Variants in PRKN observed in about 807,000 individuals in gnomAD.
PRKN encodes the protein E3 ubiquitin-protein ligase parkin.
A neutral mutation model predicts 59.5 loss-of-function variants in PRKN; 56 were observed. That is an observed-to-expected ratio of 0.94 (90% confidence interval 0.76 to 1.18). PRKN has a LOEUF of 1.18. Among genes scored for constraint, PRKN ranks in the 50% most tolerant of loss-of-function variants. PRKN has a pLI of 0.00. For synonymous variants in PRKN, 250 were observed against 222.1 expected, an observed-to-expected ratio of 1.13 and a Z score of -1.12; for missense variants, 657 against 596.4, an observed-to-expected ratio of 1.10 and a Z score of -1.06.
intron 2 of PRKN, among the ~76,000 whole-genome samples, chr6:162,329,091 A>T (rs559810661): frequency 1.2e-4 from 18 of 152,208 alleles, no homozygotes; most frequent in Non-Finnish European, 1.5e-4. Flanking sequence ...CCAGTTTTTA[A>T]CTTCCTAAAT....
At chr6:162,696,569 TTTTTC>T (rs1443561270) in intron 1 of PRKN, among the ~76,000 whole-genome samples, 8 of 147,154 alleles carry the variant, frequency 5.4e-5, no homozygotes, top group Admixed American at 4.1e-4. Context: ...CTTTTTTTTT[TTTTTC>T]TTTTTTTTGA....
At chr6:162,306,702 A>G (rs1782243789) in intron 2 of PRKN, among the ~76,000 whole-genome samples, 1 of 152,198 alleles carries the variant, frequency 6.6e-6, no homozygotes, top group African/African-American at 2.4e-5. Context: ...GAGAATGAAG[A>G]AAATTATTAG....
chr6:162,486,213 T>C (rs1792532361), intron 1 of PRKN, among the ~76,000 whole-genome samples: 1 of 152,336 alleles, frequency 6.6e-6, no homozygotes, highest in African/African-American at 2.4e-5. Flanking sequence ...TTACTACTCA[T>C]ACATATGTAT....
chr6:161,966,436 A>G (rs901905987), intron 6 of PRKN, among the ~76,000 whole-genome samples: 3 of 152,234 alleles, frequency 2.0e-5, no homozygotes, highest in African/African-American at 7.2e-5. Flanking sequence ...GTGAGCCCCA[A>G]GACACACATG....
chr6:162,312,295 C>T (rs1005720816), intron 2 of PRKN, among the ~76,000 whole-genome samples: 1 of 152,028 alleles, frequency 6.6e-6, no homozygotes, highest in Non-Finnish European at 1.5e-5. Context: ...ACTTGCTGGC[C>T]TTTGTTTCCT....
chr6:162,040,572 A>ATTT (rs35272845), intron 5 of PRKN, among the ~76,000 whole-genome samples: 8 of 113,060 alleles, frequency 7.1e-5, no homozygotes, highest in East Asian at 2.6e-4. Flanking sequence ...ATGCCCGGCT[A>ATTT]TTTTTTTTTT....
At chr6:162,207,990 T>C (rs1254591591) in intron 3 of PRKN, among the ~76,000 whole-genome samples, 1 of 152,164 alleles carries the variant, frequency 6.6e-6, no homozygotes, top group Non-Finnish European at 1.5e-5. Flanking sequence ...ACCCTTTAAA[T>C]TGTTGGGATA....
chr6:161,549,536 T>C lies in PRKN; in HGVS notation c.934-533A>G, dbSNP rs1017526139. ...TATCAATGAGCTAGAAGAAGACTAA[T>C]GTTAAACAATCACATTTTCCCTTTA... On this transcript the variant is annotated intron_variant, in intron 8 of 11. Transcript: ENST00000366898. This position sits in a 1 kb window ranked among gnomAD's most constrained non-coding sequence, Gnocchi z 6.0. Among the ~76,000 whole-genome samples, 6 of 152,214 alleles carry C rather than the reference T, an allele frequency of 3.9e-5. No homozygotes were observed. The highest frequency in any genetic ancestry group is 1.3e-4 in the Admixed American group (2 of 15,280).
At chr6:162,684,981 T>TA (rs1484505167) in intron 1 of PRKN, among the ~76,000 whole-genome samples, 1 of 152,148 alleles carries the variant, frequency 6.6e-6, no homozygotes, top group East Asian at 1.9e-4. Context: ...GTTTACGGTG[T>TA]AAAAAAGAAA....
intron 9 of PRKN, among the ~76,000 whole-genome samples, chr6:161,472,047 T>C (rs574968656): frequency 1.8e-4 from 28 of 152,194 alleles, no homozygotes; most frequent in African/African-American, 6.7e-4. Flanking sequence ...ATTTTGACCA[T>C]GTTAAGAAGG....
Position 162,333,130 on chromosome 6 carries a change from G to T in PRKN, c.172-70365C>A, listed in dbSNP as rs1332773525. Reference sequence around the variant, plus strand: ...CTATTTTGAATTTTAACTAGAGAAAGAGACCCATATATTCTTGATGTGAAA... The same window carrying T: ...CTATTTTGAATTTTAACTAGAGAAATAGACCCATATATTCTTGATGTGAAA... On this transcript the variant is annotated intron_variant, in intron 2 of 11. Coordinates refer to ENST00000366898, the MANE Select transcript of PRKN (RefSeq NM_004562.3). Among the ~76,000 whole-genome samples, 5 of 151,974 alleles carry T rather than the reference G, an allele frequency of 3.3e-5. No homozygotes were observed. In the East Asian group the frequency reaches 7.8e-4, roughly 24 times the overall value.
rs1455205970 is a variant in PRKN, at chr6:161,353,576, T to C, written c.1286-3365A>G. ...GAGCACCCAGGGAAGGCTTGGAAGC[T>C]CCGCGACCCTTCCCCCATACCTCGC... On this transcript the variant is annotated intron_variant, in intron 11 of 11. Coordinates refer to ENST00000366898, the MANE Select transcript of PRKN (RefSeq NM_004562.3). The surrounding 1 kb of genome is among the most constrained non-coding windows in gnomAD (Gnocchi z 4.8). Among the ~76,000 whole-genome samples, 3 of 152,220 alleles carry C rather than the reference T, an allele frequency of 2.0e-5. No homozygotes were observed. Among genetic ancestry groups the C allele is most frequent in the African/African-American group, 7.2e-5 (3 of 41,466 alleles).
At position 161,502,324 on chromosome 6, in the gene PRKN, C is replaced by A. The variant is rs17570263; in HGVS notation, c.1083+46530G>T. On this transcript the variant is annotated intron_variant, in intron 9 of 11. Transcript: ENST00000366898. The surrounding 1 kb of genome is among the most constrained non-coding windows in gnomAD (Gnocchi z 4.0). ...TCAACCAAGCCAATAACAATATTTT[C>A]TCTAAGCTCATGAACAATGTTTGGC... Among the ~76,000 whole-genome samples the A allele has an allele frequency of 0.033, 5,013 of 152,220 alleles. 120 individuals are homozygous for A. The highest frequency in any genetic ancestry group is 0.047 in the Non-Finnish European group (3,203 of 68,020).
chr6:162,403,791 G>T (rs567860411), intron 2 of PRKN, among the ~76,000 whole-genome samples: 4 of 152,132 alleles, frequency 2.6e-5, no homozygotes, highest in African/African-American at 9.7e-5. Flanking sequence ...TTACATGGGC[G>T]GGGAAATCAT....
intron 5 of PRKN, among the ~76,000 whole-genome samples, chr6:161,993,995 C>G (rs1161095889): frequency 1.3e-5 from 2 of 152,064 alleles, no homozygotes; most frequent in Non-Finnish European, 2.9e-5. Context: ...CTCCCATGAC[C>G]CAAACACCTC....
intron 1 of PRKN, among the ~76,000 whole-genome samples, chr6:162,603,310 T>C (rs1472090488): frequency 6.6e-6 from 1 of 152,120 alleles, no homozygotes; most frequent in East Asian, 1.9e-4. Flanking sequence ...AGGCCTTAAC[T>C]ACCAAAAAAG....
At chr6:162,366,461 C>T (rs1785442746) in intron 2 of PRKN, among the ~76,000 whole-genome samples, 1 of 152,054 alleles carries the variant, frequency 6.6e-6, no homozygotes, top group African/African-American at 2.4e-5. Flanking sequence ...TCATGGTGGA[C>T]ATTTCTTTAA....
At chr6:161,875,065 AT>A in intron 6 of PRKN, among the ~76,000 whole-genome samples, 1 of 88,966 alleles carries the variant, frequency 1.1e-5, no homozygotes, top group African/African-American at 5.2e-5. Flanking sequence ...AAGTATATAC[AT>A]TATATATAAA....
chr6:162,200,991 A>G (rs1583189479), intron 4 of PRKN, 140 bp downstream of exon 4: 2 of 951,438 alleles, frequency 2.1e-6, no homozygotes, highest in Middle Eastern at 3.1e-4. Flanking sequence ...AACTTCGGCT[A>G]TCATTAACTA....
Sources: allele counts gnomAD v4.1 joint callset (sites outside exome capture counted in the v4.1 genomes callset), GRCh38; gene constraint gnomAD v4.1.1; non-coding constraint Gnocchi (gnomAD v3.1); transcripts MANE v1.5; gene names NCBI Gene and HGNC (gene_info 2026-07-23, HGNC 2026-07-21).